Variants in CSMD1 observed in about 807,000 individuals in gnomAD.
CSMD1 encodes the protein CUB and sushi domain-containing protein 1.
CSMD1 carries 213 observed loss-of-function variants against 417.5 expected under a neutral mutation model. The observed-to-expected ratio is 0.51, with a 90% CI of 0.46 to 0.57. The LOEUF is 0.57. CSMD1 is among the 20% of genes least tolerant of loss of function. CSMD1 has a pLI of 0.00. For missense variants in CSMD1, 6,923 were observed against 4,529.7 expected (o/e 1.53, Z -15.17); for synonymous variants, 2,862 against 1,736.8 (o/e 1.65, Z -16.11).
At chr8:3,536,894 G>C (rs1315016701) in intron 10 of CSMD1, among the ~76,000 whole-genome samples, 1 of 152,198 alleles carries the variant, frequency 6.6e-6, no homozygotes, top group African/African-American at 2.4e-5. Context: ...ATTAAATCTA[G>C]TTTAGAAGGA....
chr8:4,372,810 T>TA (rs1802476469), intron 3 of CSMD1, among the ~76,000 whole-genome samples: 1 of 151,064 alleles, frequency 6.6e-6, no homozygotes, highest in Admixed American at 6.6e-5. Context: ...TGCATACTGA[T>TA]AAAAATAAAA....
In CSMD1 at chr8:3,639,696, G is replaced by A. The variant is rs115924127; in HGVS notation, c.1010-22899C>T. Among the ~76,000 whole-genome samples the A allele has an allele frequency of 4.3e-3, 657 of 152,210 alleles. 8 individuals are homozygous for A. The highest frequency in any genetic ancestry group is 0.015 in the African/African-American group (627 of 41,536). ...ATGTATGTAAACCCTAAGGCACTACGTAAACATCAACATCTTTGATTTCTC... is the reference window on the plus strand; with the variant it reads ...ATGTATGTAAACCCTAAGGCACTACATAAACATCAACATCTTTGATTTCTC... On this transcript the variant is annotated intron_variant, in intron 7 of 69. Coordinates refer to ENST00000635120, the MANE Select transcript of CSMD1 (RefSeq NM_033225.6).
At chr8:4,049,696 A>G (rs867868600) in intron 3 of CSMD1, among the ~76,000 whole-genome samples, 1 of 152,176 alleles carries the variant, frequency 6.6e-6, no homozygotes, top group Non-Finnish European at 1.5e-5. Context: ...AATTCTTAAT[A>G]AATTTTCAAA....
intron 2 of CSMD1, among the ~76,000 whole-genome samples, chr8:4,501,606 G>C (rs1407166831): frequency 6.6e-6 from 1 of 152,104 alleles, no homozygotes; most frequent in African/African-American, 2.4e-5. Context: ...AATAAATAAT[G>C]TATAAGTTTT....
chr8:4,607,004 T>C (rs1563329247), intron 2 of CSMD1, among the ~76,000 whole-genome samples: 2 of 152,224 alleles, frequency 1.3e-5, no homozygotes, highest in African/African-American at 4.8e-5. Flanking sequence ...TGGCACCATA[T>C]TTCAGGAAAT....
At chr8:3,693,245 G>T (rs1800353530) in intron 7 of CSMD1, among the ~76,000 whole-genome samples, 1 of 151,772 alleles carries the variant, frequency 6.6e-6, no homozygotes, top group Non-Finnish European at 1.5e-5. Flanking sequence ...ATATGTTCTG[G>T]GTATATAACC....
intron 2 of CSMD1, among the ~76,000 whole-genome samples, chr8:4,441,095 G>GTTTTTTTTGT (rs1798444885): frequency 1.9e-5 from 1 of 51,296 alleles, no homozygotes; most frequent in Non-Finnish European, 3.6e-5. Flanking sequence ...TAATCAAAAG[G>GTTTTTTTTGT]TTTTTTTTTT....
intron 6 of CSMD1, among the ~76,000 whole-genome samples, chr8:3,741,101 G>T (rs570748780): frequency 3.0e-4 from 46 of 151,326 alleles, no homozygotes; most frequent in African/African-American, 1.0e-3. Context: ...TGTGATCCCA[G>T]CTACTTGGAG....
intron 7 of CSMD1, among the ~76,000 whole-genome samples, chr8:3,656,587 GC>G (rs1474686060): frequency 6.6e-6 from 1 of 152,124 alleles, no homozygotes; most frequent in Non-Finnish European, 1.5e-5. Context: ...TTCTTACGAA[GC>G]CCTTTACTCT....
chr8:3,805,990 T>C (rs1800715711), intron 5 of CSMD1, among the ~76,000 whole-genome samples: 1 of 152,126 alleles, frequency 6.6e-6, no homozygotes, highest in Non-Finnish European at 1.5e-5. Flanking sequence ...GCAAGACTTT[T>C]GCTCAGGCAA....
chr8:4,349,783 T>G (rs1800980340), intron 3 of CSMD1, among the ~76,000 whole-genome samples: 1 of 152,210 alleles, frequency 6.6e-6, no homozygotes, highest in Middle Eastern at 3.4e-3. Flanking sequence ...AAGATATTTA[T>G]TTGTCTCAAT....
chr8:3,025,122 GA>G (rs1340615953), intron 51 of CSMD1, among the ~76,000 whole-genome samples: 4 of 150,270 alleles, frequency 2.7e-5, no homozygotes, highest in African/African-American at 1.0e-4. Context: ...GTGTTATTCT[GA>G]AACTGTGTAT....
At chr8:4,150,102 G>A (rs982471088) in intron 3 of CSMD1, among the ~76,000 whole-genome samples, 5 of 152,142 alleles carry the variant, frequency 3.3e-5, no homozygotes, top group African/African-American at 9.7e-5. Flanking sequence ...GTTTTTTAAG[G>A]GAGTGTATTT....
intron 10 of CSMD1, among the ~76,000 whole-genome samples, chr8:3,542,927 TCTC>T (rs1266389736): frequency 6.6e-6 from 1 of 151,126 alleles, no homozygotes; most frequent in African/African-American, 2.5e-5. Flanking sequence ...CCCAGGCAGC[TCTC>T]CTGAGACTTG....
chr8:3,743,462 G>C (rs1454487651), intron 6 of CSMD1, among the ~76,000 whole-genome samples: 2 of 152,206 alleles, frequency 1.3e-5, no homozygotes, highest in Admixed American at 6.5e-5. Flanking sequence ...TTCTGAATAA[G>C]TAATTGATAT....
intron 5 of CSMD1, among the ~76,000 whole-genome samples, chr8:3,792,840 GA>G (rs1348090340): frequency 4.6e-5 from 7 of 152,160 alleles, no homozygotes; most frequent in Non-Finnish European, 8.8e-5. Context: ...TATTTGACTT[GA>G]AGCACAGGAT....
At chr8:4,320,512 C>A (rs1355270971) in intron 3 of CSMD1, among the ~76,000 whole-genome samples, 1 of 152,020 alleles carries the variant, frequency 6.6e-6, no homozygotes, top group African/African-American at 2.4e-5. Context: ...TCCCCTAGAC[C>A]CCCACCCCCC....
intron 36 of CSMD1, 44 bp downstream of exon 36, chr8:3,187,825 G>C (rs774214901): frequency 3.2e-5 from 45 of 1,413,128 alleles, no homozygotes; most frequent in Non-Finnish European, 3.9e-5. Flanking sequence ...CTTGGTGTTT[G>C]CAGATTTTGA....
chr8:4,113,812 T>A (rs1801987588), intron 3 of CSMD1, among the ~76,000 whole-genome samples: 1 of 152,174 alleles, frequency 6.6e-6, no homozygotes, highest in Admixed American at 6.5e-5. Context: ...AGCTACAACA[T>A]TCCCTTAAAC....
Sources: gnomAD v4.1 joint callset for allele counts (sites outside exome capture counted in the v4.1 genomes callset) on GRCh38, gnomAD v4.1.1 for gene constraint, MANE v1.5 for transcripts, NCBI Gene and HGNC (gene_info 2026-07-23, HGNC 2026-07-21) for gene names.